Variants in GPR143 observed in about 807,000 individuals in gnomAD.
GPR143 encodes G protein-coupled receptor 143, also known as G-protein coupled receptor 143.
A neutral mutation model predicts 27.6 loss-of-function variants in GPR143; 8 were observed. The ratio of observed to expected loss-of-function variants is 0.29; its 90% CI spans 0.17 to 0.52. The LOEUF (loss-of-function observed/expected upper bound fraction) is 0.52. Ranked by LOEUF, GPR143 falls within the 20% of genes least tolerant of loss-of-function variation. GPR143 has a pLI of 0.96. For synonymous variants in GPR143, 156 were observed against 153.2 expected (o/e 1.02, Z -0.13); for missense variants, 303 against 343.1 (o/e 0.88, Z 0.92).
chrX:9,751,468 A>G (rs1277969942), intron 3 of GPR143, among the ~76,000 whole-genome samples: 1 of 112,500 alleles, frequency 8.9e-6, no homozygotes, highest in Admixed American at 9.4e-5. Flanking sequence ...CCACACCCTT[A>G]ACCTACAAGA....
chrX:9,758,812 T>C (rs2083483471), intron 3 of GPR143, among the ~76,000 whole-genome samples: 2 of 110,966 alleles, frequency 1.8e-5, no homozygotes, highest in South Asian at 7.7e-4. Flanking sequence ...CGCTTGAGCC[T>C]GGGAGGTTGA....
chrX:9,755,713 T>C (rs1163986304), intron 3 of GPR143, among the ~76,000 whole-genome samples: 1 of 111,511 alleles, frequency 9.0e-6, no homozygotes, highest in African/African-American at 3.3e-5. Context: ...CACGATAGGA[T>C]AGTGACGCAG....
intron 1 of GPR143, among the ~76,000 whole-genome samples, chrX:9,774,660 G>A (rs147186959): frequency 3.7e-4 from 41 of 111,855 alleles, no homozygotes; most frequent in African/African-American, 1.3e-3. Flanking sequence ...GGTAGCATCT[G>A]CTGCCCTCTC....
At chrX:9,770,757 C>T (rs2083551915), upstream of GPR143, among the ~76,000 whole-genome samples, 1 of 111,601 alleles carries the variant, frequency 9.0e-6, no homozygotes, top group South Asian at 3.8e-4. Context: ...GTGCTCACTC[C>T]TAGAGTCCTT....
At chrX:9,762,469 A>G (rs2083507225) in intron 1 of GPR143, among the ~76,000 whole-genome samples, 1 of 111,885 alleles carries the variant, frequency 8.9e-6, no homozygotes, top group Non-Finnish European at 1.9e-5. Flanking sequence ...AGTAGTGCTC[A>G]CTGGTAAACA....
chrX:9,766,432 A>G (rs1035991584), upstream of GPR143, among the ~76,000 whole-genome samples: 1 of 112,088 alleles, frequency 8.9e-6, no homozygotes, highest in Non-Finnish European at 1.9e-5. Context: ...TGAAACAAAC[A>G]GATCAATGTT....
At chrX:9,744,476 A>G (rs929937998) in intron 5 of GPR143, among the ~76,000 whole-genome samples, 8 of 110,171 alleles carry the variant, frequency 7.3e-5, no homozygotes, top group African/African-American at 2.6e-4. Flanking sequence ...AGGCTGAGGC[A>G]GGTGGATCAC....
intron 3 of GPR143, among the ~76,000 whole-genome samples, chrX:9,750,437 G>GC (rs2083446792): frequency 1.9e-5 from 2 of 106,658 alleles, no homozygotes; most frequent in African/African-American, 7.0e-5. Context: ...TCAAACTCCT[G>GC]GCCTCAGTGA....
At chrX:9,738,643 A>G in intron 8 of GPR143, 1 of 307,181 alleles carries the variant, frequency 3.3e-6, no homozygotes, top group Non-Finnish European at 4.3e-6. Context: ...TTTGTTTTTT[A>G]GACGGGGCTT....
At chrX:9,727,234 C>T (rs896645939) in intron 8 of GPR143, among the ~76,000 whole-genome samples, 1 of 113,369 alleles carries the variant, frequency 8.8e-6, no homozygotes, top group African/African-American at 3.2e-5. Context: ...AAGGCCTGCT[C>T]CTCCCCGATT....
chrX:9,736,166 C>T (rs1171367741), intron 8 of GPR143, among the ~76,000 whole-genome samples: 2 of 110,915 alleles, frequency 1.8e-5, no homozygotes, highest in East Asian at 2.8e-4. Flanking sequence ...AGAGACATAC[C>T]GACCAGGAAA....
At chrX:9,750,420 G>GACCTC (rs2083446699) in intron 3 of GPR143, among the ~76,000 whole-genome samples, 1 of 109,256 alleles carries the variant, frequency 9.2e-6, no homozygotes, top group South Asian at 4.0e-4. Context: ...TGTTGCCCAG[G>GACCTC]CTGGTTTCAA....
At chrX:9,775,205 C>T (rs190082332) in intron 1 of GPR143, among the ~76,000 whole-genome samples, 2,048 of 111,780 alleles carry the variant, frequency 0.018, 50 homozygotes, top group African/African-American at 0.062. Context: ...GGTGGTTGTT[C>T]GGTATTGACC....
At chrX:9,734,468 A>C (rs1453384825) in intron 8 of GPR143, among the ~76,000 whole-genome samples, 1 of 111,242 alleles carries the variant, frequency 9.0e-6, no homozygotes, top group Non-Finnish European at 1.9e-5. Flanking sequence ...GCATTGTGGG[A>C]GATACAGCTA....
intron 8 of GPR143, among the ~76,000 whole-genome samples, chrX:9,728,926 C>A (rs1047568799): frequency 4.9e-4 from 55 of 111,264 alleles, no homozygotes; most frequent in African/African-American, 1.8e-3. Flanking sequence ...AGATCTTCCT[C>A]CCAGGTTTGG....
At chrX:9,757,584 G>T (rs55745258) in intron 3 of GPR143, among the ~76,000 whole-genome samples, 6,454 of 111,061 alleles carry the variant, frequency 0.058, 167 homozygotes, top group Middle Eastern at 0.083. Context: ...GGTTGCTGGG[G>T]GCTGTGGGGA....
At chrX:9,732,858 T>G (rs1449330203) in intron 8 of GPR143, among the ~76,000 whole-genome samples, 2 of 54,524 alleles carry the variant, frequency 3.7e-5, no homozygotes, top group African/African-American at 1.6e-4. Flanking sequence ...TGAATGAAAC[T>G]CCATCTCAAA....
intron 8 of GPR143, among the ~76,000 whole-genome samples, chrX:9,728,240 G>A (rs762327226): frequency 2.7e-4 from 30 of 110,829 alleles, no homozygotes; most frequent in African/African-American, 9.9e-4. Flanking sequence ...AATAAACATG[G>A]GGAATGGGTC....
chrX:9,740,662 A>G (rs1352674891), intron 7 of GPR143: 3 of 292,306 alleles, frequency 1.0e-5, no homozygotes, highest in African/African-American at 8.2e-5. Flanking sequence ...TTCCCAGTTA[A>G]TACCAGAGAT....
Sources: gnomAD v4.1 joint callset for allele counts (sites outside exome capture counted in the v4.1 genomes callset) on GRCh38, gnomAD v4.1.1 for gene constraint, MANE v1.5 for transcripts, NCBI Gene and HGNC (gene_info 2026-07-23, HGNC 2026-07-21) for gene names.